The following PEX2 variants were observed in gnomAD, a reference collection of about 807,000 sequenced individuals.
PEX2 encodes the protein peroxisomal biogenesis factor 2, also known as peroxisome biogenesis factor 2.
A neutral mutation model predicts 25.2 loss-of-function variants in PEX2; 19 were observed. The ratio of observed to expected loss-of-function variants is 0.75; its 90% CI spans 0.53 to 1.10. The LOEUF (loss-of-function observed/expected upper bound fraction) is 1.10. Ranked by LOEUF, PEX2 falls within the 50% of genes least tolerant of loss-of-function variation. The pLI is 0.00. For synonymous variants in PEX2, 141 were observed against 127.7 expected (o/e 1.10, Z -0.70); for missense variants, 347 against 350.6 (o/e 0.99, Z 0.08).
intron 1 of PEX2, among the ~76,000 whole-genome samples, chr8:76,992,930 G>A (rs1807216442): frequency 6.6e-6 from 1 of 152,232 alleles, no homozygotes; most frequent in African/African-American, 2.4e-5. Context: ...AGGGAGAAAA[G>A]AGGAAAATGG....
chr8:76,989,059 C>T (rs1196588757), intron 1 of PEX2, among the ~76,000 whole-genome samples: 2 of 150,454 alleles, frequency 1.3e-5, no homozygotes, highest in African/African-American at 4.9e-5. Flanking sequence ...CACCTGTAGT[C>T]CTAGCTACTA....
rs147826366 is a variant in PEX2, at chr8:76,993,415, T to C, written c.-159-5077A>G. Among the ~76,000 whole-genome samples the C allele has an allele frequency of 1.1e-3, 171 of 152,148 alleles. 1 individual carries two copies. The highest frequency in any genetic ancestry group is 3.8e-3 in the African/African-American group (157 of 41,502). ...AGTAATTTAACTTACTTAAGAACCA[T>C]GGAAATCAAGAGGAAGACTATACTA... On this transcript the variant is annotated intron_variant, in intron 1 of 3. Coordinates refer to ENST00000357039, the MANE Select transcript of PEX2 (RefSeq NM_000318.3).
In PEX2 at chr8:76,995,808, C is replaced by T. The variant is rs115195530; in HGVS notation, c.-160+4182G>A. 3.5e-3 allele frequency among the ~76,000 whole-genome samples: 538 copies of T among 152,158 alleles called. 3 individuals carry two copies. The highest frequency in any genetic ancestry group is 0.012 in the African/African-American group (508 of 41,494). On this transcript the variant is annotated intron_variant, in intron 1 of 3. Transcript: ENST00000357039. Reference sequence around the variant, plus strand: ...ATGTTGGAGCGAGTATTGGGGAAAGCAGAGTTAAACTGCCTCTGATTAGCT... The same window carrying T: ...ATGTTGGAGCGAGTATTGGGGAAAGTAGAGTTAAACTGCCTCTGATTAGCT...
At chr8:76,997,409 A>C (rs1174958279) in intron 1 of PEX2, among the ~76,000 whole-genome samples, 2 of 152,176 alleles carry the variant, frequency 1.3e-5, no homozygotes, top group African/African-American at 4.8e-5. Flanking sequence ...TCTCTACTAA[A>C]AATACAAAAA....
chr8:76,998,987 G>GTT (rs201584207), intron 1 of PEX2, among the ~76,000 whole-genome samples: 4 of 145,202 alleles, frequency 2.8e-5, no homozygotes, highest in African/African-American at 1.0e-4. Flanking sequence ...AATATGAAGG[G>GTT]TTTTTTTTTT....
chr8:76,997,511 G>C (rs1456260623), intron 1 of PEX2, among the ~76,000 whole-genome samples: 1 of 152,150 alleles, frequency 6.6e-6, no homozygotes, highest in African/African-American at 2.4e-5. Flanking sequence ...AGAGGTTACA[G>C]TGAGCTGAGA....
In PEX2 at chr8:76,983,431, A is replaced by G. The variant is rs142645936; in HGVS notation, c.748T>C (p.Trp250Arg). Reference protein sequence around the residue: ...SGKECALCGEWPTMPHTIGCE... With the variant: ...SGKECALCGERPTMPHTIGCE... ...CCTATGGTGTGAGGCATGGTGGGCCACTCTCCACATAGAGCGCATTCTTTG... is the reference window on the plus strand; with the variant it reads ...CCTATGGTGTGAGGCATGGTGGGCCGCTCTCCACATAGAGCGCATTCTTTG... The change falls in exon 4 of 4, where the codon TGG becomes CGG. Residue 250 changes from tryptophan (W) to arginine (R), a missense_variant. Trp to Arg is a moderately radical substitution (Grantham distance 101). Transcript: ENST00000357039. 15,181 of 1,614,098 alleles carry G rather than the reference A, an allele frequency of 9.4e-3. 107 individuals carry two copies. Among genetic ancestry groups the G allele is most frequent in the Non-Finnish European group, 0.012 (13,894 of 1,180,008 alleles).
rs536481633 is a variant in PEX2, at chr8:76,981,069, T to C, written c.*2192A>G. ...GACTCTTCACTTAATGAACTCAGAT[T>C]CAACATTGCATTATTCACAACAGAA... On this transcript the variant is annotated 3_prime_UTR_variant, in exon 4 of 4. Coordinates refer to ENST00000357039, the MANE Select transcript of PEX2 (RefSeq NM_000318.3). The C allele has an allele frequency of 5.3e-5, 8 of 152,366 alleles. No homozygotes were observed. The South Asian group carries it at 1.0e-3, about 20-fold the overall frequency. 9.4% of individuals were successfully genotyped at this position (152,366 alleles called of 1,614,324 possible).
intron 1 of PEX2, among the ~76,000 whole-genome samples, chr8:76,994,071 T>C (rs187260315): frequency 1.3e-5 from 2 of 152,286 alleles, no homozygotes; most frequent in Admixed American, 1.3e-4. Context: ...TACTAAAAAC[T>C]ATTAAAAGGG....
Position 76,984,018 on chromosome 8 carries a change from GGCTCAAAGCGA to G in PEX2, c.150_160del (p.Phe52GlyfsTer29). 1 of 1,613,634 alleles carries G rather than the reference GGCTCAAAGCGA, an allele frequency of 6.2e-7. No individual in the cohort carries two copies. Among genetic ancestry groups the G allele is most frequent in the Non-Finnish European group, 8.5e-7 (1 of 1,179,706 alleles). ...AACCCATAAGCACGCTTTCACCTCT[GGCTCAAAGCGA>G]GCTAACAGCCCAGGTTTAAATCCAT... On this transcript the variant is annotated frameshift_variant, in exon 4 of 4. Transcript: ENST00000357039. LOFTEE classifies it high-confidence loss of function.
At chr8:77,001,009 G>T (rs1807499246), upstream of PEX2, 1 of 152,342 alleles carries the variant, frequency 6.6e-6, no homozygotes, top group South Asian at 2.1e-4. Flanking sequence ...ATTCCAGCAC[G>T]TAGTAGGGTT....
intron 1 of PEX2, among the ~76,000 whole-genome samples, chr8:76,995,969 T>C (rs947107944): frequency 5.3e-5 from 8 of 152,158 alleles, no homozygotes; most frequent in South Asian, 2.1e-4. Context: ...AGAATCCTTA[T>C]AGAAACTGCT....
chr8:76,983,972 G>C lies in PEX2; in HGVS notation c.207C>G (p.Ile69Met). ...CLWVFLWRFT[I>M]YSKNATVGQS... ...GTCCCACTGTGGCATTTTTGGAGTA[G>C]ATGGTGAATCTCCACAAGAAAACCC... The change falls in exon 4 of 4, where the codon ATC becomes ATG. Residue 69 changes from isoleucine to methionine, a missense_variant. Transcript: ENST00000357039. The C allele has an allele frequency of 6.2e-7, 1 of 1,614,080 alleles. No individual in the cohort carries two copies. The highest frequency in any genetic ancestry group is 8.5e-7 in the Non-Finnish European group (1 of 1,179,972).
chr8:76,983,770 G>C lies in PEX2; in HGVS notation c.409C>G (p.Gln137Glu). Residue 137 changes from glutamine (Q) to glutamate (E), a missense_variant, in exon 4 of 4, where the codon CAG becomes GAG. Gln to Glu is a conservative substitution (Grantham distance 29). Transcript: ENST00000357039. ...AGTCCAATCACAAAATTCACACACT[G>C]CTTGACTTTCCCAAATGATGCTAAA... ...HHLASFGKVKQCVNFVIGLLK... is the reference protein window; with the variant it reads ...HHLASFGKVKECVNFVIGLLK... 1 of 1,613,990 alleles carries C rather than the reference G, an allele frequency of 6.2e-7. No individual in the cohort carries two copies. The highest frequency in any genetic ancestry group is 8.5e-7 in the Non-Finnish European group (1 of 1,180,008).
intron 1 of PEX2, among the ~76,000 whole-genome samples, chr8:76,989,139 G>A (rs973979453): frequency 2.0e-5 from 3 of 151,224 alleles, no homozygotes; most frequent in Non-Finnish European, 4.4e-5. Flanking sequence ...TGACTGTGCT[G>A]TTGTTCACCA....
At chr8:76,999,147 T>A (rs1299613376) in intron 1 of PEX2, among the ~76,000 whole-genome samples, 1 of 152,144 alleles carries the variant, frequency 6.6e-6, no homozygotes, top group Non-Finnish European at 1.5e-5. Context: ...TAAGTAAAGG[T>A]AACACTTTAG....
chr8:76,985,175 C>CA lies in PEX2; in HGVS notation c.-17-981dup, dbSNP rs34238954. On this transcript the variant is annotated intron_variant, in intron 3 of 3. Transcript: ENST00000357039. Reference sequence around the variant, plus strand: ...TATTAACTGGCAAATCCACCCATGACAAAAAAAAAAAAAAAATGAGGCTTA... The same window carrying CA: ...TATTAACTGGCAAATCCACCCATGACAAAAAAAAAAAAAAAAATGAGGCTTA... Among the ~76,000 whole-genome samples, 1,271 of 138,702 alleles carry CA rather than the reference C, an allele frequency of 9.2e-3. 22 individuals are homozygous for CA. Among genetic ancestry groups the CA allele is most frequent in the African/African-American group, 0.031 (1,190 of 37,884 alleles). The allele number at this position is 138,702 out of a possible 152,430, so 91.0% of individuals were successfully genotyped here. A position where few individuals can be genotyped will look rare whatever the true frequency, so the allele number is the denominator to read the frequency against.
chr8:76,999,099 A>G (rs1225441321), intron 1 of PEX2, among the ~76,000 whole-genome samples: 2 of 152,128 alleles, frequency 1.3e-5, no homozygotes, highest in Admixed American at 6.5e-5. Context: ...AGATCAGATA[A>G]GTTAAAAGAG....
intron 3 of PEX2, among the ~76,000 whole-genome samples, chr8:76,985,330 T>A (rs750706131): frequency 6.6e-6 from 1 of 152,036 alleles, no homozygotes; most frequent in Non-Finnish European, 1.5e-5. Flanking sequence ...ATGGGAGATA[T>A]TAGTCAAAGG....
Sources: gnomAD v4.1 joint callset for allele counts (sites outside exome capture counted in the v4.1 genomes callset) on GRCh38, gnomAD v4.1.1 for gene constraint, MANE v1.5 for transcripts, NCBI Gene and HGNC (gene_info 2026-07-23, HGNC 2026-07-21) for gene names.